The following INPP5A variants were observed in gnomAD, a reference collection of about 807,000 sequenced individuals.
The protein encoded by INPP5A is inositol polyphosphate-5-phosphatase A, also known as 43 kDa inositol polyphosphate 5-phophatase.
INPP5A carries 14 observed loss-of-function variants against 65.2 expected under a neutral mutation model. That is an observed-to-expected ratio of 0.21 (90% CI 0.14 to 0.34). The LOEUF (loss-of-function observed/expected upper bound fraction) is 0.34, where lower values mean the gene tolerates loss of function less well. Among genes scored for constraint, INPP5A ranks in the 10% least tolerant of loss-of-function variants. The probability of loss-of-function intolerance (pLI) is 1.00; values close to 1 mark genes in which losing one functional copy is unlikely to be tolerated. For missense variants in INPP5A, 431 were observed against 545.6 expected, an observed-to-expected ratio of 0.79 and a Z score of 2.09; for synonymous variants, 207 against 208.3, an observed-to-expected ratio of 0.99 and a Z score of 0.05.
At chr10:132,770,134 T>G (rs2134681232) in intron 12 of INPP5A, among the ~76,000 whole-genome samples, 1 of 152,294 alleles carries the variant, frequency 6.6e-6, no homozygotes, top group East Asian at 1.9e-4. Context: ...ACTGCAGAGT[T>G]GGGCACATTG....
intron 4 of INPP5A, among the ~76,000 whole-genome samples, chr10:132,655,686 G>GC (rs2072646854): frequency 1.3e-5 from 2 of 152,322 alleles, no homozygotes; most frequent in African/African-American, 4.8e-5. Flanking sequence ...AGGGGTGGGG[G>GC]GCCTGTCACT....
At chr10:132,604,321 G>A (rs573085638) in intron 1 of INPP5A, among the ~76,000 whole-genome samples, 46 of 110,084 alleles carry the variant, frequency 4.2e-4, no homozygotes, top group South Asian at 1.6e-3. Flanking sequence ...CCTCTCTGGC[G>A]CGCCCTGTGC....
rs1329613615 is a variant in INPP5A at position 132,780,924 on chromosome 10, T to C, written c.1158+7T>C. 5 of 1,603,732 alleles carry C rather than the reference T, an allele frequency of 3.1e-6. No homozygotes were observed. Among genetic ancestry groups the C allele is most frequent in the Non-Finnish European group, 4.2e-6 (5 of 1,176,814 alleles). ...CTGCATGGGAGACCACAAGGTGACA[T>C]AGACTGAGGTCCAGGGGCCAGGCTG... On this transcript the variant is annotated splice_region_variant and intron_variant, in intron 14 of 15. Transcript: ENST00000368594.
At chr10:132,583,659 T>C (rs1252860519) in intron 1 of INPP5A, among the ~76,000 whole-genome samples, 2 of 152,262 alleles carry the variant, frequency 1.3e-5, no homozygotes, top group African/African-American at 4.8e-5. Flanking sequence ...ATGGTTTTTC[T>C]GTATGTGCTA....
intron 8 of INPP5A, among the ~76,000 whole-genome samples, chr10:132,718,051 G>A (rs1399205323): frequency 2.1e-5 from 3 of 145,176 alleles, no homozygotes; most frequent in East Asian, 4.2e-4. Context: ...CGGCTGTCTT[G>A]CGGGTTCTGT....
intron 8 of INPP5A, among the ~76,000 whole-genome samples, 158 bp downstream of exon 8, chr10:132,710,614 GAGGT>G (rs1845618668): frequency 6.6e-6 from 1 of 151,194 alleles, no homozygotes; most frequent in Middle Eastern, 3.4e-3. Context: ...TGTGGATGGA[GAGGT>G]AGGTATGGAT....
rs1397963438 is a variant in INPP5A at position 132,538,771 on chromosome 10, A to G, written c.75+600A>G. Among the ~76,000 whole-genome samples the G allele has an allele frequency of 6.6e-6, 1 of 151,322 alleles. No individual in the cohort carries two copies. The highest frequency in any genetic ancestry group is 6.6e-5 in the Admixed American group (1 of 15,212). ...CCCAAACCCTGAAACATAACCACAA[A>G]CCCTAACCCAGGAACTTCTGACACA... On this transcript the variant is annotated intron_variant, in intron 1 of 15. Transcript: ENST00000368594. The surrounding 1 kb of genome is among the most constrained non-coding windows in gnomAD (Gnocchi z 4.1).
intron 3 of INPP5A, among the ~76,000 whole-genome samples, chr10:132,648,197 G>C (rs1466904257): frequency 1.3e-5 from 2 of 152,260 alleles, no homozygotes; most frequent in African/African-American, 4.8e-5. Flanking sequence ...AGAGAAAGTG[G>C]GGGTGCACCC....
Position 132,697,725 on chromosome 10 carries a change from G to A in INPP5A, c.371-91G>A. 2 of 880,078 alleles carry A rather than the reference G, an allele frequency of 2.3e-6. No individual in the cohort carries two copies. The highest frequency in any genetic ancestry group is 3.7e-6 in the Non-Finnish European group (2 of 540,554). The allele number at this position is 880,078 out of a possible 1,614,324, so 54.5% of individuals were successfully genotyped here. ...GGGGGGCCTCTCTGGCTCCCATCGG[G>A]CTGAAGTCGGGTGGAAACAGGTTGT... On this transcript the variant is annotated intron_variant, in intron 5 of 15. Transcript: ENST00000368594. This position sits in a 1 kb window ranked among gnomAD's most constrained non-coding sequence, Gnocchi z 5.6.
At chr10:132,672,449 T>C (rs1249314822) in intron 4 of INPP5A, among the ~76,000 whole-genome samples, 2 of 152,124 alleles carry the variant, frequency 1.3e-5, no homozygotes, top group Non-Finnish European at 2.9e-5. Context: ...CCCATGGTGT[T>C]CTCATGGTGG....
Position 132,726,357 on chromosome 10 carries a change from G to A in INPP5A, c.648-464G>A, listed in dbSNP as rs539304760. ...CCGGTTCACCTGCACGCGCCTCCCCGTCCATCTCCCTCCCGCTGTCGGTCC... is the reference window on the plus strand; with the variant it reads ...CCGGTTCACCTGCACGCGCCTCCCCATCCATCTCCCTCCCGCTGTCGGTCC... On this transcript the variant is annotated intron_variant, in intron 8 of 15. Coordinates refer to ENST00000368594, the MANE Select transcript of INPP5A (RefSeq NM_005539.5). Among the ~76,000 whole-genome samples, 19 of 152,310 alleles carry A rather than the reference G, an allele frequency of 1.2e-4. No individual in the cohort carries two copies. In the East Asian group the frequency reaches 1.9e-3, roughly 15 times the overall value.
At chr10:132,760,643 C>G (rs1846715867) in intron 11 of INPP5A, among the ~76,000 whole-genome samples, 2 of 152,268 alleles carry the variant, frequency 1.3e-5, no homozygotes, top group African/African-American at 4.8e-5. Flanking sequence ...TGAGGACTCT[C>G]CTTTCCTCTG....
At chr10:132,755,766 GCCACCCAGGAGCAGGTGCTGA>G (rs1187192388) in intron 11 of INPP5A, among the ~76,000 whole-genome samples, 1 of 152,118 alleles carries the variant, frequency 6.6e-6, no homozygotes, top group Non-Finnish European at 1.5e-5. Context: ...GGAGGTCCTG[GCCACCCAGGAGCAGGTGCTGA>G]CCCCAGAGGA....
chr10:132,607,989 C>G (rs1173429763), intron 2 of INPP5A, 33 bp downstream of exon 2: 1 of 1,602,060 alleles, frequency 6.2e-7, no homozygotes, highest in Non-Finnish European at 8.5e-7. Flanking sequence ...CTTTTGGATT[C>G]ATTACTTAGC....
chr10:132,610,822 C>T (rs964410482), intron 2 of INPP5A, among the ~76,000 whole-genome samples: 1 of 152,254 alleles, frequency 6.6e-6, no homozygotes, highest in African/African-American at 2.4e-5. Context: ...AGCTCTTGTT[C>T]TCCAGGGTTT....
Position 132,675,223 on chromosome 10 carries a change from G to T in INPP5A, c.307-15169G>T, listed in dbSNP as rs751352371. Among the ~76,000 whole-genome samples the T allele has an allele frequency of 6.6e-6, 1 of 152,250 alleles. No homozygotes were observed. The highest frequency in any genetic ancestry group is 1.5e-5 in the Non-Finnish European group (1 of 68,042). ...ACTGACAGGCCACCTTCCTGTTCCTGCAGAAATGGTAACCGCAGGGGACGG... is the reference window on the plus strand; with the variant it reads ...ACTGACAGGCCACCTTCCTGTTCCTTCAGAAATGGTAACCGCAGGGGACGG... On this transcript the variant is annotated intron_variant, in intron 4 of 15. Transcript: ENST00000368594. The surrounding 1 kb of genome is among the most constrained non-coding windows in gnomAD (Gnocchi z 4.2).
chr10:132,633,738 A>T (rs763489695), intron 2 of INPP5A, among the ~76,000 whole-genome samples: 3 of 152,212 alleles, frequency 2.0e-5, no homozygotes, highest in Non-Finnish European at 4.4e-5. Flanking sequence ...GCGCAGCTCC[A>T]GGGCTCCTGC....
intron 2 of INPP5A, among the ~76,000 whole-genome samples, chr10:132,608,431 G>C (rs1288819848): frequency 6.6e-6 from 1 of 152,248 alleles, no homozygotes; most frequent in African/African-American, 2.4e-5. Flanking sequence ...GGACCCCCCT[G>C]TCTAATATGG....
At chr10:132,654,084 G>T (rs963877678) in intron 4 of INPP5A, among the ~76,000 whole-genome samples, 15 of 152,254 alleles carry the variant, frequency 9.9e-5, no homozygotes, top group Non-Finnish European at 1.5e-4. Flanking sequence ...AGGCCCCGAG[G>T]CTGTTCCTCC....
Sources: allele counts gnomAD v4.1 joint callset (sites outside exome capture counted in the v4.1 genomes callset), GRCh38; gene constraint gnomAD v4.1.1; non-coding constraint Gnocchi (gnomAD v3.1); transcripts MANE v1.5; gene names NCBI Gene and HGNC (gene_info 2026-07-23, HGNC 2026-07-21).